Variants in LATS2 observed in about 807,000 individuals in gnomAD.
The protein encoded by LATS2 is large tumor suppressor kinase 2, also known as serine/threonine-protein kinase LATS2.
LATS2 carries 24 observed loss-of-function variants against 76.0 expected under a neutral mutation model. The ratio of observed to expected loss-of-function variants is 0.32; its 90% confidence interval spans 0.23 to 0.44. The LOEUF is 0.44. Ranked by LOEUF, LATS2 falls within the 20% of genes least tolerant of loss-of-function variation. LATS2 has a pLI of 1.00. For synonymous variants in LATS2, 692 were observed against 635.4 expected, an observed-to-expected ratio of 1.09 and a Z score of -1.34; for missense variants, 1,286 against 1,481.2, an observed-to-expected ratio of 0.87 and a Z score of 2.16.
rs2138297649 is a variant in LATS2 at position 20,991,799 on chromosome 13, A to T, written c.343-395T>A. Among the ~76,000 whole-genome samples the T allele has an allele frequency of 6.6e-6, 1 of 152,318 alleles. No homozygotes were observed. Among genetic ancestry groups the T allele is most frequent in the Non-Finnish European group, 1.5e-5 (1 of 68,022 alleles). On this transcript the variant is annotated intron_variant, in intron 2 of 7. Coordinates refer to ENST00000382592, the MANE Select transcript of LATS2 (RefSeq NM_014572.3). The surrounding 1 kb of genome is among the most constrained non-coding windows in gnomAD (Gnocchi z 4.9). ...AGTCAGGGAACCTGGCTTTAACCTC[A>T]GCTCACCTCCAGGCTAACTCTGGGA...
At position 20,981,552 on chromosome 13, in the gene LATS2, C is replaced by G; in HGVS notation, c.2579G>C (p.Arg860Thr). The G allele has an allele frequency of 1.2e-6, 2 of 1,614,136 alleles. No individual in the cohort carries two copies. The highest frequency in any genetic ancestry group is 2.2e-5 in the South Asian group (2 of 91,078). ...CGDRLKTLEQ[R>T]ARKQHQRCLA... ...GCACCTCTGGTGCTGCTTCCGCGCC[C>G]TCTGCTCTAGGGTCTTCAGCCTGTC... The change falls in exon 6 of 8, where the codon AGG (arginine) becomes ACG (threonine). Residue 860 changes from arginine to threonine, a missense_variant. By Grantham distance (71) the Arg-to-Thr change is moderately conservative. Coordinates refer to ENST00000382592, the MANE Select transcript of LATS2 (RefSeq NM_014572.3).
In LATS2 at chr13:20,996,702, T is replaced by C. The variant is rs1870767229; in HGVS notation, c.343-5298A>G. Among the ~76,000 whole-genome samples, 3 of 152,172 alleles carry C rather than the reference T, an allele frequency of 2.0e-5. No individual in the cohort carries two copies. In the South Asian group the frequency reaches 6.2e-4, roughly 32 times the overall value. On this transcript the variant is annotated intron_variant, in intron 2 of 7. Coordinates refer to ENST00000382592, the MANE Select transcript of LATS2 (RefSeq NM_014572.3). ...GGGCTGATAGAAGATTCTGGATACTTTGAAGGCAGAACTGATACTATTATT... is the reference window on the plus strand; with the variant it reads ...GGGCTGATAGAAGATTCTGGATACTCTGAAGGCAGAACTGATACTATTATT...
At chr13:20,975,454 T>C in intron 7 of LATS2, 90 bp from the exon 8 acceptor site, 3 of 1,350,812 alleles carry the variant, frequency 2.2e-6, no homozygotes, top group Non-Finnish European at 2.0e-6. Context: ...TTCAAATATG[T>C]TTAGTTTCAC....
At chr13:21,040,681 T>A (rs1171849114) in intron 2 of LATS2, among the ~76,000 whole-genome samples, 8 of 152,006 alleles carry the variant, frequency 5.3e-5, no homozygotes, top group Admixed American at 3.9e-4. Context: ...AAGACCAGGG[T>A]CTGGGAGGCC....
chr13:21,046,721 T>C (rs1054452323), intron 1 of LATS2, among the ~76,000 whole-genome samples: 2 of 152,136 alleles, frequency 1.3e-5, no homozygotes, highest in African/African-American at 4.8e-5. Context: ...TTCTGAACTT[T>C]TCCTTATAAA....
rs1253168141 is a variant in LATS2 at position 20,988,473 on chromosome 13, G to A, written c.1307C>T (p.Thr436Met). 47 of 1,540,176 alleles carry A rather than the reference G, an allele frequency of 3.1e-5. No homozygotes were observed. The highest frequency in any genetic ancestry group is 3.0e-5 in the Non-Finnish European group (35 of 1,150,328). Residue 436 changes from threonine to methionine, a missense_variant, in exon 4 of 8, where the codon ACG (threonine) becomes ATG (methionine). By Grantham distance (81) the Thr-to-Met change is moderately conservative. Around this residue, in one of 5 missense-constraint regions of LATS2, gnomAD observed 710 missense variants for 660.9 expected, o/e 1.07. Coordinates refer to ENST00000382592, the MANE Select transcript of LATS2 (RefSeq NM_014572.3). ...CACCGGGTGCAAGATGTGCGCGGCC[G>A]TGACAGCCGTCACGGTGTTGGGGGC... Reference protein sequence around the residue: ...LPAPNTVTAVTAAHILHPVKS... With the variant: ...LPAPNTVTAVMAAHILHPVKS...
intron 2 of LATS2, among the ~76,000 whole-genome samples, chr13:21,043,747 T>C (rs1872968694): frequency 1.3e-5 from 2 of 152,262 alleles, no homozygotes; most frequent in Admixed American, 1.3e-4. Context: ...GCACTATAAT[T>C]ATCACTAATG....
At position 20,991,316 on chromosome 13, in the gene LATS2, G is replaced by T; in HGVS notation, c.431C>A (p.Pro144Gln). The change falls in exon 3 of 8, where the codon CCG becomes CAG. Residue 144 changes from proline (P) to glutamine (Q), a missense_variant. Physicochemically the swap from Pro to Gln is moderately conservative, Grantham distance 76. Around this residue, in one of 5 missense-constraint regions of LATS2, gnomAD observed 18 missense variants for 58.5 expected, o/e 0.31. Transcript: ENST00000382592. The surrounding 1 kb of genome is among the most constrained non-coding windows in gnomAD (Gnocchi z 4.9). ...EYISKMGYLD[P>Q]RNEQIVRVIK... is the part of the protein sequence containing the mutation. ...GACCCGCACAATCTGCTCATTCCTC[G>T]GGTCCAGGTAGCCCATCTTGCTGAT... is the stretch of plus-strand genomic sequence containing the variant. 6.2e-7 allele frequency: 1 copy of T among 1,614,154 alleles called. No homozygotes were observed. Among genetic ancestry groups the T allele is most frequent in the Non-Finnish European group, 8.5e-7 (1 of 1,180,026 alleles).
In LATS2 at chr13:21,021,973, C is replaced by T. The variant is rs184085147; in HGVS notation, c.342+23712G>A. Among the ~76,000 whole-genome samples, 12 of 152,230 alleles carry T rather than the reference C, an allele frequency of 7.9e-5. No homozygotes were observed. In the East Asian group the frequency reaches 1.7e-3, roughly 22 times the overall value. On this transcript the variant is annotated intron_variant, in intron 2 of 7. Coordinates refer to ENST00000382592, the MANE Select transcript of LATS2 (RefSeq NM_014572.3). ...AGACTATCTGTTTCCACACTTTCTT[C>T]GTTAGAGGAGCTGATTTTTTTTTTG...
chr13:20,988,501 G>A lies in LATS2; in HGVS notation c.1279C>T (p.Pro427Ser), dbSNP rs541484742. ...GPPGKAEPSL[P>S]APNTVTAVTA... Reference sequence around the variant, plus strand: ...ACAGCCGTCACGGTGTTGGGGGCGGGCAGGGAGGGCTCGGCCTTGCCAGGC... The same window carrying A: ...ACAGCCGTCACGGTGTTGGGGGCGGACAGGGAGGGCTCGGCCTTGCCAGGC... Residue 427 changes from proline to serine, a missense_variant, in exon 4 of 8, where the codon CCC becomes TCC. Coordinates refer to ENST00000382592, the MANE Select transcript of LATS2 (RefSeq NM_014572.3). The A allele has an allele frequency of 3.8e-4, 591 of 1,553,714 alleles. 1 individual carries two copies. The highest frequency in any genetic ancestry group is 1.2e-3 in the Admixed American group (62 of 52,258).
chr13:20,997,578 T>G (rs530381063), intron 2 of LATS2, among the ~76,000 whole-genome samples: 1 of 152,292 alleles, frequency 6.6e-6, no homozygotes, highest in East Asian at 1.9e-4. Flanking sequence ...TTTAATGATC[T>G]TCTCTGCTGT....
At chr13:21,002,374 C>CTTT (rs549992152) in intron 2 of LATS2, among the ~76,000 whole-genome samples, 1 of 137,242 alleles carries the variant, frequency 7.3e-6, no homozygotes, top group Non-Finnish European at 1.6e-5. Context: ...AATTAATTAA[C>CTTT]TTTTTTTTTT....
chr13:20,996,773 T>C (rs12323020), intron 2 of LATS2, among the ~76,000 whole-genome samples: 17,720 of 152,236 alleles, frequency 0.12, 1,191 homozygotes, highest in South Asian at 0.17. Flanking sequence ...GCATAAACTC[T>C]ATGCCTCACA....
At chr13:20,979,526 T>C (rs1311424105) in intron 7 of LATS2, among the ~76,000 whole-genome samples, 165 bp downstream of exon 7, 2 of 152,104 alleles carry the variant, frequency 1.3e-5, no homozygotes, top group South Asian at 2.1e-4. Flanking sequence ...AATTTAAAAA[T>C]AGATAATTTA....
intron 1 of LATS2, among the ~76,000 whole-genome samples, chr13:21,059,314 T>C (rs960125739): frequency 1.3e-5 from 2 of 152,242 alleles, no homozygotes; most frequent in African/African-American, 4.8e-5. Flanking sequence ...AAAAACACTC[T>C]TGGCTGGGTG....
At chr13:21,007,424 A>AG (rs1331787740) in intron 2 of LATS2, among the ~76,000 whole-genome samples, 3 of 147,076 alleles carry the variant, frequency 2.0e-5, no homozygotes, top group Non-Finnish European at 4.5e-5. Flanking sequence ...TACAGACCAC[A>AG]GCCTGTTTTC....
At chr13:21,043,003 A>G (rs1006616288) in intron 2 of LATS2, among the ~76,000 whole-genome samples, 13 of 148,156 alleles carry the variant, frequency 8.8e-5, no homozygotes, top group African/African-American at 3.3e-4. Context: ...ACCAAAAAAC[A>G]AAAAACAGTA....
At chr13:20,986,756 A>T (rs1041817807) in intron 4 of LATS2, among the ~76,000 whole-genome samples, 5 of 152,206 alleles carry the variant, frequency 3.3e-5, no homozygotes, top group African/African-American at 1.2e-4. Flanking sequence ...GCTAGAAGAG[A>T]GGTCTTGAAA....
chr13:21,046,926 A>G (rs1873095852), intron 1 of LATS2, among the ~76,000 whole-genome samples: 1 of 152,188 alleles, frequency 6.6e-6, no homozygotes, highest in African/African-American at 2.4e-5. Context: ...TTCTTGTAGC[A>G]ATTGATACTG....
Sources: gnomAD v4.1 joint callset for allele counts (sites outside exome capture counted in the v4.1 genomes callset) on GRCh38, gnomAD v4.1.1 for gene constraint, gnomAD v4.1.1 regional missense constraint, Gnocchi (gnomAD v3.1) non-coding constraint, MANE v1.5 for transcripts, NCBI Gene and HGNC (gene_info 2026-07-23, HGNC 2026-07-21) for gene names.